Variants in SPRR3 observed in about 807,000 individuals in gnomAD.
The protein encoded by SPRR3 is small proline rich protein 3, also known as small proline-rich protein 3.
For missense variants in SPRR3, 183 were observed against 200.3 expected (o/e 0.91, Z 0.52); for synonymous variants, 58 against 72.3 (o/e 0.80, Z 1.01).
intron 1 of SPRR3, chr1:153,002,008 A>G (rs1276398577): frequency 6.6e-6 from 1 of 152,240 alleles, no homozygotes; most frequent in Non-Finnish European, 1.5e-5. Context: ...TTGCTAAGTT[A>G]GCAAGACAAT....
In SPRR3 at chr1:153,003,148, C is replaced by G. The variant is rs374430133; in HGVS notation, c.128C>G (p.Ser43Ter). Residue 43 changes from serine (S) to a stop codon, truncating the protein, a stop_gained, in exon 2 of 2, where the codon TCA becomes TGA. Transcript: ENST00000295367. LOFTEE classifies it low-confidence loss of function (END_TRUNC). ...FVPTTKEPCH[S>*]KVPQPGNTKI... ...CCCACAACCAAGGAGCCATGCCACT[C>G]AAAGGTTCCACAACCTGGAAACACA... 1 of 1,614,150 alleles carries G rather than the reference C, an allele frequency of 6.2e-7. No homozygotes were observed.
Position 153,003,403 on chromosome 1 carries a change from C to T in SPRR3, c.383C>T (p.Pro128Leu), listed in dbSNP as rs1369745373. The change falls in exon 2 of 2, where the codon CCA becomes CTA. Residue 128 changes from proline (P) to leucine (L), a missense_variant. Physicochemically the swap from Pro to Leu is moderately conservative, Grantham distance 98. Coordinates refer to ENST00000295367, the MANE Select transcript of SPRR3 (RefSeq NM_001097589.2). The part of the protein sequence containing the change: ...PDQGFIKFPE[P>L]GAIKVPEQGY... ...CAAGGCTTCATCAAGTTTCCTGAGCCAGGTGCCATCAAAGTTCCTGAGCAA... is the reference window on the plus strand; with the variant it reads ...CAAGGCTTCATCAAGTTTCCTGAGCTAGGTGCCATCAAAGTTCCTGAGCAA... 6.2e-7 allele frequency: 1 copy of T among 1,614,122 alleles called. No homozygotes were observed. The highest frequency in any genetic ancestry group is 8.5e-7 in the Non-Finnish European group (1 of 1,180,032).
Position 153,003,658 on chromosome 1 carries a change from C to T in SPRR3, c.*128C>T, listed in dbSNP as rs1034976362. ...ACATTGTCACCCCAAGCCATAGTCTCTCTCTTATTTGTATCCTAAAAATAC... is the reference window on the plus strand; with the variant it reads ...ACATTGTCACCCCAAGCCATAGTCTTTCTCTTATTTGTATCCTAAAAATAC... On this transcript the variant is annotated 3_prime_UTR_variant, in exon 2 of 2. Transcript: ENST00000295367. 3 of 1,293,756 alleles carry T rather than the reference C, an allele frequency of 2.3e-6. No homozygotes were observed. Among genetic ancestry groups the T allele is most frequent in the South Asian group, 1.6e-5 (1 of 63,866 alleles). 80.1% of individuals were successfully genotyped at this position (1,293,756 alleles called of 1,614,324 possible).
rs779199860 is a variant in SPRR3, at chr1:153,003,258, C to A, written c.238C>A (p.Pro80Thr). Residue 80 changes from proline (P) to threonine (T), a missense_variant, in exon 2 of 2, where the codon CCA (proline) becomes ACA (threonine). By Grantham distance (38) the Pro-to-Thr change is conservative (BLOSUM62 -1). Coordinates refer to ENST00000295367, the MANE Select transcript of SPRR3 (RefSeq NM_001097589.2). ...PEPGCTKVPE[P>T]GCTKVPEPGC... ...GCCAGGCTGTACCAAGGTCCCTGAG[C>A]CAGGTTGTACCAAGGTCCCTGAGCC... 6.3e-7 allele frequency: 1 copy of A among 1,593,252 alleles called. No homozygotes were observed. Among genetic ancestry groups the A allele is most frequent in the African/African-American group, 1.4e-5 (1 of 73,870 alleles).
rs527966074 is a variant in SPRR3, at chr1:153,003,329, GCCAGGCTACACCAAGGTCCCTGAA to G, written c.316_339del (p.Tyr106_Gly113del). 3 of 1,609,452 alleles carry G rather than the reference GCCAGGCTACACCAAGGTCCCTGAA, an allele frequency of 1.9e-6. No individual in the cohort carries two copies. Among genetic ancestry groups the G allele is most frequent in the East Asian group, 2.2e-5 (1 of 44,458 alleles). ...AGCCAGGTTGTACCAAGGTCCCTGA[GCCAGGCTACACCAAGGTCCCTGAA>G]CCAGGCAGCATCAAGGTCCCTGACC... is the stretch of plus-strand genomic sequence containing the variant. On this transcript the variant is annotated inframe_deletion, in exon 2 of 2. Transcript: ENST00000295367.
chr1:153,003,703 C>T lies in SPRR3; in HGVS notation c.*173C>T, dbSNP rs1230310793. ...AAATACGTACTATAAAGCTTTTGTT[C>T]ACACACACTCTGAAGAATCCTGTAA... On this transcript the variant is annotated 3_prime_UTR_variant, in exon 2 of 2. Coordinates refer to ENST00000295367, the MANE Select transcript of SPRR3 (RefSeq NM_001097589.2). The T allele has an allele frequency of 2.1e-5, 20 of 960,358 alleles. No individual in the cohort carries two copies. Among genetic ancestry groups the T allele is most frequent in the Non-Finnish European group, 2.9e-5 (19 of 655,286 alleles). The allele number at this position is 960,358 out of a possible 1,614,324, so 59.5% of individuals were successfully genotyped here.
chr1:153,002,123 T>C (rs1652798155), intron 1 of SPRR3: 1 of 152,248 alleles, frequency 6.6e-6, no homozygotes, highest in African/African-American at 2.4e-5. Context: ...TTTTTCTTTA[T>C]TGCATGAATG....
intron 1 of SPRR3, chr1:153,002,667 G>C (rs2339494): frequency 0.57 from 131,442 of 231,010 alleles, 38,471 homozygotes; most frequent in African/African-American, 0.68. Flanking sequence ...CAGGAGCTTA[G>C]AGGATTCTTC....
intron 1 of SPRR3, 65 bp from the exon 2 acceptor site, chr1:153,002,937 T>C (rs1208789202): frequency 2.7e-6 from 4 of 1,466,862 alleles, no homozygotes; most frequent in East Asian, 4.6e-5. Flanking sequence ...ATGACAGATA[T>C]TTGTCATTAA....
chr1:153,003,203 CCCTG>C lies in SPRR3; in HGVS notation c.184_187del (p.Pro62SerfsTer137), dbSNP rs777562186. ...TTCCAGAGCCAGGCTGTACCAAGGTCCCTGAGCCAGGCTGTACCAAGGTCCCTGA... is the reference window on the plus strand; with the variant it reads ...TTCCAGAGCCAGGCTGTACCAAGGTCAGCCAGGCTGTACCAAGGTCCCTGA... On this transcript the variant is annotated frameshift_variant, in exon 2 of 2. Coordinates refer to ENST00000295367, the MANE Select transcript of SPRR3 (RefSeq NM_001097589.2). LOFTEE classifies it low-confidence loss of function (END_TRUNC). 26 of 1,193,302 alleles carry C rather than the reference CCCTG, an allele frequency of 2.2e-5. No individual in the cohort carries two copies. In the East Asian group the frequency reaches 3.9e-4, roughly 18 times the overall value. The allele number at this position is 1,193,302 out of a possible 1,614,324, so 73.9% of individuals were successfully genotyped here.
At chr1:153,002,743 C>T (rs10494286) in intron 1 of SPRR3, 7 of 476,296 alleles carry the variant, frequency 1.5e-5, no homozygotes, top group South Asian at 1.3e-4. Context: ...TCATGTTGTA[C>T]GTAGGTTTTT....
chr1:153,003,100 C>G lies in SPRR3; in HGVS notation c.80C>G (p.Pro27Arg), dbSNP rs745790730. The part of the protein sequence containing the change: ...QQQQVKQPSQ[P>R]PPQEIFVPTT... ...CAGCAGGTGAAACAACCCAGCCAGC[C>G]TCCACCTCAGGAAATATTTGTTCCC... The change falls in exon 2 of 2, where the codon CCT (proline) becomes CGT (arginine). Residue 27 changes from proline (P) to arginine (R), a missense_variant. Coordinates refer to ENST00000295367, the MANE Select transcript of SPRR3 (RefSeq NM_001097589.2). The G allele has an allele frequency of 6.8e-6, 11 of 1,614,138 alleles. No individual in the cohort carries two copies. The South Asian group carries it at 1.2e-4, about 18-fold the overall frequency.
Position 153,003,202 on chromosome 1 carries a change from TCCCTGAGCCAGGCTGTACC to T in SPRR3, c.183_201del (p.Pro62ArgfsTer132). The stretch of plus-strand genomic sequence containing the variant: ...ATTCCAGAGCCAGGCTGTACCAAGG[TCCCTGAGCCAGGCTGTACC>T]AAGGTCCCTGAGCCAGGCTGTACCA... On this transcript the variant is annotated frameshift_variant, in exon 2 of 2. Coordinates refer to ENST00000295367, the MANE Select transcript of SPRR3 (RefSeq NM_001097589.2). LOFTEE classifies it low-confidence loss of function (END_TRUNC). The T allele has an allele frequency of 5.8e-6, 7 of 1,217,238 alleles. No individual in the cohort carries two copies. The highest frequency in any genetic ancestry group is 6.1e-5 in the East Asian group (1 of 16,356). The allele number at this position is 1,217,238 out of a possible 1,614,324, so 75.4% of individuals were successfully genotyped here. A position where few individuals can be genotyped will look rare whatever the true frequency, so the allele number is the denominator to read the frequency against.
Position 153,003,249 on chromosome 1 carries a change from G to A in SPRR3, c.229G>A (p.Val77Ile), listed in dbSNP as rs957565296. 1 of 1,590,336 alleles carries A rather than the reference G, an allele frequency of 6.3e-7. No homozygotes were observed. ...TKVPEPGCTK[V>I]PEPGCTKVPE... ...GGTCCCTGAGCCAGGCTGTACCAAG[G>A]TCCCTGAGCCAGGTTGTACCAAGGT... The change falls in exon 2 of 2, where the codon GTC (valine) becomes ATC (isoleucine). Residue 77 changes from valine to isoleucine, a missense_variant. Val to Ile is a conservative substitution (Grantham distance 29, BLOSUM62 3). Coordinates refer to ENST00000295367, the MANE Select transcript of SPRR3 (RefSeq NM_001097589.2).
intron 1 of SPRR3, chr1:153,002,157 C>G (rs1228530447): frequency 1.3e-5 from 2 of 152,214 alleles, no homozygotes; most frequent in African/African-American, 4.8e-5. Context: ...AAAACATATA[C>G]TTGACTAAAA....
Position 153,003,602 on chromosome 1 carries a change from G to A in SPRR3, c.*72G>A. 6.4e-7 allele frequency: 1 copy of A among 1,563,504 alleles called. No homozygotes were observed. Among genetic ancestry groups the A allele is most frequent in the Non-Finnish European group, 8.7e-7 (1 of 1,152,362 alleles). On this transcript the variant is annotated 3_prime_UTR_variant, in exon 2 of 2. Coordinates refer to ENST00000295367, the MANE Select transcript of SPRR3 (RefSeq NM_001097589.2). ...ACACCCTCTTCCCATCTGTTTCTGT[G>A]TCTTAATTGTCTGTAGACCTTGTAA...
In SPRR3 at chr1:153,003,187, C is replaced by G. The variant is rs1302479366; in HGVS notation, c.167C>G (p.Pro56Arg). 1.3e-6 allele frequency: 2 copies of G among 1,544,792 alleles called. No homozygotes were observed. Among genetic ancestry groups the G allele is most frequent in the African/African-American group, 1.6e-5 (1 of 63,236 alleles). Reference protein sequence around the residue: ...PQPGNTKIPEPGCTKVPEPGC... With the variant: ...PQPGNTKIPERGCTKVPEPGC... The stretch of plus-strand genomic sequence containing the variant: ...CCTGGAAACACAAAGATTCCAGAGC[C>G]AGGCTGTACCAAGGTCCCTGAGCCA... The change falls in exon 2 of 2, where the codon CCA (proline) becomes CGA (arginine). Residue 56 changes from proline to arginine, a missense_variant. Coordinates refer to ENST00000295367, the MANE Select transcript of SPRR3 (RefSeq NM_001097589.2).
At chr1:153,002,080 C>G (rs1483312294) in intron 1 of SPRR3, 1 of 152,172 alleles carries the variant, frequency 6.6e-6, no homozygotes, top group Admixed American at 6.5e-5. Context: ...ATAGAAGGCA[C>G]TACATTGGCA....
chr1:153,002,749 T>G, intron 1 of SPRR3: 1 of 495,834 alleles, frequency 2.0e-6, no homozygotes, highest in South Asian at 3.0e-5. Context: ...TGTACGTAGG[T>G]TTTTAGATGT....
Sources: gnomAD v4.1 joint callset for allele counts on GRCh38, gnomAD v4.1.1 for gene constraint, MANE v1.5 for transcripts, NCBI Gene and HGNC (gene_info 2026-07-23, HGNC 2026-07-21) for gene names.